The following AKAP12 variants were observed in gnomAD, a reference collection of about 807,000 sequenced individuals.
The protein encoded by AKAP12 is A-kinase anchoring protein 12, also known as A-kinase anchor protein 12.
AKAP12 carries 32 observed loss-of-function variants against 79.9 expected under a neutral mutation model. The ratio of observed to expected loss-of-function variants is 0.40; its 90% CI spans 0.30 to 0.54. AKAP12 has a LOEUF of 0.54. AKAP12 is among the 20% of genes least tolerant of loss of function. The pLI is 0.48. For synonymous variants in AKAP12, 808 were observed against 857.0 expected (o/e 0.94, Z 1.00); for missense variants, 2,074 against 2,177.0 (o/e 0.95, Z 0.94).
intron 3 of AKAP12, among the ~76,000 whole-genome samples, chr6:151,332,016 C>G (rs1049252149): frequency 6.9e-6 from 1 of 144,604 alleles, no homozygotes; most frequent in Non-Finnish European, 1.5e-5. Context: ...CTGAGTAGCA[C>G]GTCCAGTTCT....
intron 2 of AKAP12, among the ~76,000 whole-genome samples, chr6:151,253,750 GTTACCCAGGCTGGAGA>G (rs760129967): frequency 2.5e-4 from 38 of 151,854 alleles, no homozygotes; most frequent in Non-Finnish European, 5.1e-4. Context: ...GTCCTGCTCT[GTTACCCAGGCTGGAGA>G]GTGCAGTGGT....
intron 3 of AKAP12, chr6:151,325,832 A>G: frequency 6.2e-7 from 1 of 1,614,074 alleles, no homozygotes; most frequent in Non-Finnish European, 8.5e-7. Flanking sequence ...CGCTAAGCTG[A>G]TCTCCTGTAC....
intron 2 of AKAP12, among the ~76,000 whole-genome samples, chr6:151,301,796 G>A (rs1404710461): frequency 1.3e-5 from 2 of 152,202 alleles, no homozygotes; most frequent in Admixed American, 6.5e-5. Context: ...GTTCAGTAAC[G>A]TCACTGTCAT....
intron 2 of AKAP12, among the ~76,000 whole-genome samples, chr6:151,248,397 T>C (rs916694805): frequency 2.6e-5 from 4 of 152,018 alleles, no homozygotes; most frequent in South Asian, 2.1e-4. Flanking sequence ...GCCACTGTGC[T>C]GGGATTCTGT....
intron 3 of AKAP12, among the ~76,000 whole-genome samples, chr6:151,312,746 C>T (rs11965431): frequency 0.023 from 3,431 of 146,138 alleles, 125 homozygotes; most frequent in African/African-American, 0.081. Context: ...AAGCCGAGAT[C>T]GTGCCACTGC....
chr6:151,305,912 C>A lies in AKAP12; in HGVS notation c.319+9C>A. The A allele has an allele frequency of 6.3e-7, 1 of 1,597,762 alleles. No individual in the cohort carries two copies. The highest frequency in any genetic ancestry group is 2.3e-5 in the East Asian group (1 of 44,278). ...AGTCATTGTCACAGAGGGTAAGCCG[C>A]CCCTCCAGGAACTGGAAGGCACACA... On this transcript the variant is annotated intron_variant, in intron 3 of 4. Coordinates refer to ENST00000402676, the MANE Select transcript of AKAP12 (RefSeq NM_005100.4).
At chr6:151,246,767 A>G (rs900005743) in intron 2 of AKAP12, among the ~76,000 whole-genome samples, 4 of 151,858 alleles carry the variant, frequency 2.6e-5, no homozygotes, top group Non-Finnish European at 2.9e-5. Flanking sequence ...AATTTTATTT[A>G]TTTATTGTTT....
chr6:151,318,363 A>G (rs1449158437), intron 3 of AKAP12, among the ~76,000 whole-genome samples: 5 of 152,210 alleles, frequency 3.3e-5, no homozygotes, highest in Non-Finnish European at 7.3e-5. Flanking sequence ...AACAAAAAGT[A>G]TGATGTCTTC....
At chr6:151,313,265 A>G (rs1266327853) in intron 3 of AKAP12, among the ~76,000 whole-genome samples, 4 of 152,212 alleles carry the variant, frequency 2.6e-5, no homozygotes, top group African/African-American at 7.2e-5. Context: ...TAGTAACGCT[A>G]TCAAACACAA....
chr6:151,268,945 GTTTTTTTTTTTTTTT>G lies in AKAP12; in HGVS notation c.162+28241_162+28255del, dbSNP rs558502756. Among the ~76,000 whole-genome samples the G allele has an allele frequency of 6.0e-3, 463 of 77,434 alleles. 5 individuals are homozygous for G. Among genetic ancestry groups the G allele is most frequent in the Middle Eastern group, 0.015 (2 of 132 alleles). 50.8% of individuals were successfully genotyped at this position (77,434 alleles called of 152,430 possible). A position where few individuals can be genotyped will look rare whatever the true frequency, so the allele number is the denominator to read the frequency against. ...AGGCATGAGCCACCGTGCTCGGCCT[GTTTTTTTTTTTTTTT>G]TTTTTTTTTTTTTTTTTTTAATCAA... On this transcript the variant is annotated intron_variant, in intron 2 of 4. Transcript: ENST00000402676.
chr6:151,285,308 G>A (rs1269896523), intron 2 of AKAP12, among the ~76,000 whole-genome samples: 1 of 151,950 alleles, frequency 6.6e-6, no homozygotes, highest in East Asian at 1.9e-4. Context: ...TGTCTTGGCA[G>A]TGATTCACAT....
intron 2 of AKAP12, among the ~76,000 whole-genome samples, chr6:151,285,384 C>CTGTGTGTGTGTGTGTGTGTGTG (rs10680283): frequency 1.0e-3 from 142 of 136,546 alleles, no homozygotes; most frequent in Non-Finnish European, 2.0e-3. Context: ...CTGCATTTCA[C>CTGTGTGTGTGTGTGTGTGTGTG]TGTGTGTGTG....
chr6:151,240,324 C>CGGGGGGAGG (rs1796944035), intron 1 of AKAP12, 60 bp from the exon 2 acceptor site: 1 of 388,128 alleles, frequency 2.6e-6, no homozygotes, highest in Non-Finnish European at 4.5e-6. Context: ...AGGGAAAAAC[C>CGGGGGGAGG]GGGGGGAGGG....
intron 3 of AKAP12, among the ~76,000 whole-genome samples, chr6:151,343,690 A>G (rs772156461): frequency 7.2e-5 from 11 of 152,216 alleles, no homozygotes; most frequent in Non-Finnish European, 1.5e-4. Context: ...AAGCTGAGGC[A>G]GGAGAATCGC....
At chr6:151,258,265 C>T (rs1344561419) in intron 2 of AKAP12, among the ~76,000 whole-genome samples, 1 of 152,182 alleles carries the variant, frequency 6.6e-6, no homozygotes, top group African/African-American at 2.4e-5. Flanking sequence ...GCAAATTCTT[C>T]CTCTGGCAAA....
intron 2 of AKAP12, among the ~76,000 whole-genome samples, chr6:151,290,028 T>G (rs1433925014): frequency 6.6e-6 from 1 of 152,222 alleles, no homozygotes; most frequent in East Asian, 1.9e-4. Flanking sequence ...ACGCATCCGA[T>G]GGGACGAGGC....
At position 151,260,054 on chromosome 6, in the gene AKAP12, T is replaced by C. The variant is rs956057390; in HGVS notation, c.162+19330T>C. Among the ~76,000 whole-genome samples the C allele has an allele frequency of 5.3e-5, 8 of 152,266 alleles. No individual in the cohort carries two copies. In the East Asian group the frequency reaches 1.2e-3, roughly 22 times the overall value. ...GTGTTAATTACAAGGTTGAAACTTG[T>C]AGAGAATCAACTAATAAAGAATCAG... On this transcript the variant is annotated intron_variant, in intron 2 of 4. Transcript: ENST00000402676.
Position 151,240,542 on chromosome 6 carries a change from CG to C in AKAP12, c.-18del. On this transcript the variant is annotated 5_prime_UTR_variant, in exon 2 of 5. Transcript: ENST00000402676. Reference sequence around the variant, plus strand: ...GAAGGCGTAACCCGGCGGCTAGGCGCGGGAGAAGTGCGGAGGAGCCATGGGC... The same window carrying C: ...GAAGGCGTAACCCGGCGGCTAGGCGCGGAGAAGTGCGGAGGAGCCATGGGC... 1 of 1,426,092 alleles carries C rather than the reference CG, an allele frequency of 7.0e-7. No individual in the cohort carries two copies. The highest frequency in any genetic ancestry group is 9.1e-7 in the Non-Finnish European group (1 of 1,095,956). 88.3% of individuals were successfully genotyped at this position (1,426,092 alleles called of 1,614,324 possible).
chr6:151,262,054 A>G (rs1254436734), intron 2 of AKAP12, among the ~76,000 whole-genome samples: 3 of 151,964 alleles, frequency 2.0e-5, no homozygotes, highest in Non-Finnish European at 2.9e-5. Flanking sequence ...GGTTCAAGAG[A>G]TTCTCCTTCC....
Sources: gnomAD v4.1 joint callset for allele counts (sites outside exome capture counted in the v4.1 genomes callset) on GRCh38, gnomAD v4.1.1 for gene constraint, MANE v1.5 for transcripts, NCBI Gene and HGNC (gene_info 2026-07-23, HGNC 2026-07-21) for gene names.